TPCN1: variants seen among roughly 807,000 people sequenced by gnomAD.
TPCN1 encodes two pore channel protein 1.
TPCN1 carries 52 observed loss-of-function variants against 108.8 expected under a neutral mutation model. The observed-to-expected ratio is 0.48, with a 90% CI of 0.38 to 0.60. TPCN1 has a LOEUF of 0.60. Ranked by LOEUF, TPCN1 falls within the 20% of genes least tolerant of loss-of-function variation. The pLI is 0.00. For missense variants in TPCN1, 806 were observed against 1,072.8 expected (o/e 0.75, Z 3.47); for synonymous variants, 446 against 433.7 (o/e 1.03, Z -0.35).
chr12:113,280,584 A>G (rs1278457230), intron 15 of TPCN1, among the ~76,000 whole-genome samples: 4 of 152,206 alleles, frequency 2.6e-5, no homozygotes, highest in African/African-American at 9.7e-5. Flanking sequence ...AGTTCTGTCT[A>G]GAGCCATGCT....
intron 3 of TPCN1, among the ~76,000 whole-genome samples, chr12:113,264,244 C>A (rs1460099813): frequency 6.6e-6 from 1 of 152,158 alleles, no homozygotes. Context: ...CTTTGACATG[C>A]CTGCCCCTGC....
chr12:113,280,097 G>A, intron 14 of TPCN1, 54 bp from the exon 15 acceptor site: 2 of 1,370,508 alleles, frequency 1.5e-6, no homozygotes, highest in Non-Finnish European at 2.1e-6. Flanking sequence ...TAAGGATACA[G>A]TAGGGGGAAC....
At chr12:113,263,625 G>A (rs960112666) in intron 3 of TPCN1, among the ~76,000 whole-genome samples, 1 of 152,250 alleles carries the variant, frequency 6.6e-6, no homozygotes, top group African/African-American at 2.4e-5. Flanking sequence ...CAGGTTGCTG[G>A]TGTGCATGGA....
chr12:113,258,704 T>C (rs1232935855), intron 2 of TPCN1, among the ~76,000 whole-genome samples: 1 of 152,008 alleles, frequency 6.6e-6, no homozygotes, highest in Non-Finnish European at 1.5e-5. Flanking sequence ...TCTCTTGAAC[T>C]CAAGAGTTTA....
At chr12:113,254,169 A>G (rs527485481) in intron 2 of TPCN1, among the ~76,000 whole-genome samples, 5 of 152,362 alleles carry the variant, frequency 3.3e-5, no homozygotes, top group Admixed American at 6.5e-5. Flanking sequence ...ATATGTACTG[A>G]AGAAGGTTAA....
chr12:113,243,855 T>G (rs779061890), intron 2 of TPCN1, among the ~76,000 whole-genome samples: 23 of 152,206 alleles, frequency 1.5e-4, no homozygotes, highest in Non-Finnish European at 3.4e-4. Flanking sequence ...GTGTTCCTCA[T>G]GTGGACGGTT....
rs1954275835 is a variant in TPCN1, at chr12:113,244,590, T to C, written c.113-15778T>C. On this transcript the variant is annotated intron_variant, in intron 2 of 27. Coordinates refer to ENST00000335509, the MANE Select transcript of TPCN1 (RefSeq NM_017901.6). Reference sequence around the variant, plus strand: ...AGAAGCATGGTGGCAACGCTGTGCCTGGAAAACTCATCAGTGTCACTCTGG... The same window carrying C: ...AGAAGCATGGTGGCAACGCTGTGCCCGGAAAACTCATCAGTGTCACTCTGG... 3.0e-6 allele frequency: 3 copies of C among 985,348 alleles called. No individual in the cohort carries two copies. In the South Asian group the frequency reaches 1.4e-4, roughly 46 times the overall value. The allele number at this position is 985,348 out of a possible 1,614,324, so 61.0% of individuals were successfully genotyped here. A position where few individuals can be genotyped will look rare whatever the true frequency, so the allele number is the denominator to read the frequency against.
At chr12:113,270,770 C>T (rs865808059) in intron 7 of TPCN1, among the ~76,000 whole-genome samples, 3 of 152,210 alleles carry the variant, frequency 2.0e-5, no homozygotes, top group Middle Eastern at 6.8e-3. Context: ...TGGGCCACCG[C>T]GCCCGGCCTC....
At chr12:113,279,387 A>ATTTTTTTTTTTTTTTTTTTTTTT (rs1251575479) in intron 14 of TPCN1, among the ~76,000 whole-genome samples, 1 of 19,650 alleles carries the variant, frequency 5.1e-5, no homozygotes, top group Non-Finnish European at 7.7e-5. Flanking sequence ...ATATATATAT[A>ATTTTTTTTTTTTTTTTTTTTTTT]TATATTTTTT....
At chr12:113,275,782 T>C (rs992248354) in intron 10 of TPCN1, among the ~76,000 whole-genome samples, 14 of 151,130 alleles carry the variant, frequency 9.3e-5, no homozygotes, top group Admixed American at 2.0e-4. Flanking sequence ...CGCGCTTTGT[T>C]AGCCAGGATG....
At position 113,288,258 on chromosome 12, in the gene TPCN1, C is replaced by G; in HGVS notation, c.1706+24C>G. On this transcript the variant is annotated intron_variant, in intron 20 of 27. Coordinates refer to ENST00000335509, the MANE Select transcript of TPCN1 (RefSeq NM_017901.6). The surrounding 1 kb of genome is among the most constrained non-coding windows in gnomAD (Gnocchi z 4.8). ...AGGTACTGCCAGCCCCCACCCTGGC[C>G]TGCAGGTCCAGGTGCCGTGTGGCAG... The G allele has an allele frequency of 6.2e-7, 1 of 1,613,476 alleles. No homozygotes were observed. The highest frequency in any genetic ancestry group is 8.5e-7 in the Non-Finnish European group (1 of 1,179,874).
At chr12:113,245,696 T>C (rs1456339389) in intron 2 of TPCN1, among the ~76,000 whole-genome samples, 1 of 150,934 alleles carries the variant, frequency 6.6e-6, no homozygotes, top group Non-Finnish European at 1.5e-5. Context: ...TGATCAGAGC[T>C]CCCTCCCAGG....
intron 2 of TPCN1, among the ~76,000 whole-genome samples, chr12:113,233,499 C>T (rs1009561200): frequency 3.3e-5 from 5 of 152,228 alleles, no homozygotes; most frequent in Admixed American, 6.5e-5. Flanking sequence ...CCTGGAGTGA[C>T]GTCAATCTTG....
intron 2 of TPCN1, among the ~76,000 whole-genome samples, chr12:113,243,504 A>G (rs971267687): frequency 6.6e-6 from 1 of 152,200 alleles, no homozygotes; most frequent in Non-Finnish European, 1.5e-5. Flanking sequence ...CTATAATCCC[A>G]GCACTTTGGG....
At chr12:113,238,734 C>T (rs1046513222) in intron 2 of TPCN1, among the ~76,000 whole-genome samples, 5 of 152,326 alleles carry the variant, frequency 3.3e-5, no homozygotes, top group African/African-American at 7.2e-5. Context: ...GACCCACTCG[C>T]TCCCCAGCAC....
chr12:113,289,735 G>C lies in TPCN1; in HGVS notation c.1797-393G>C, dbSNP rs1956206140. On this transcript the variant is annotated intron_variant, in intron 21 of 27. Transcript: ENST00000335509. This position sits in a 1 kb window ranked among gnomAD's most constrained non-coding sequence, Gnocchi z 4.1. ...CAGGCCAAGTATTGGGGAAGCCCCA[G>C]TAGGGAATTCCTTCCCTGGGACTGT... Among the ~76,000 whole-genome samples the C allele has an allele frequency of 6.6e-6, 1 of 152,202 alleles. No individual in the cohort carries two copies. The highest frequency in any genetic ancestry group is 6.5e-5 in the Admixed American group (1 of 15,272).
At chr12:113,227,271 A>G (rs951314541) in intron 2 of TPCN1, among the ~76,000 whole-genome samples, 1 of 152,004 alleles carries the variant, frequency 6.6e-6, no homozygotes, top group Non-Finnish European at 1.5e-5. Context: ...CCTCAGGCCA[A>G]CCTACTTTGG....
chr12:113,258,959 T>C (rs570645652), intron 2 of TPCN1, among the ~76,000 whole-genome samples: 1 of 151,776 alleles, frequency 6.6e-6, no homozygotes, highest in Admixed American at 6.6e-5. Flanking sequence ...ACTGTGCAAA[T>C]CCCAGTATCA....
intron 17 of TPCN1, among the ~76,000 whole-genome samples, chr12:113,285,467 C>T (rs1192822712): frequency 1.3e-5 from 2 of 152,194 alleles, no homozygotes; most frequent in Non-Finnish European, 2.9e-5. Flanking sequence ...ACCTCCTGGG[C>T]TCAAGGGATC....
Sources: allele counts gnomAD v4.1 joint callset (sites outside exome capture counted in the v4.1 genomes callset), GRCh38; gene constraint gnomAD v4.1.1; non-coding constraint Gnocchi (gnomAD v3.1); transcripts MANE v1.5; gene names NCBI Gene and HGNC (gene_info 2026-07-23, HGNC 2026-07-21).